Variants in MTFR2 observed in about 807,000 individuals in gnomAD.
MTFR2 encodes DUF729 domain-containing protein 1.
A neutral mutation model predicts 41.2 loss-of-function variants in MTFR2; 44 were observed. The observed-to-expected ratio is 1.07, with a 90% CI of 0.84 to 1.37. The LOEUF (loss-of-function observed/expected upper bound fraction) is 1.37. Ranked by LOEUF, MTFR2 falls within the 40% of genes most tolerant of loss-of-function variation. The pLI is 0.00. For synonymous variants in MTFR2, 141 were observed against 154.6 expected, an observed-to-expected ratio of 0.91 and a Z score of 0.65; for missense variants, 452 against 459.5, an observed-to-expected ratio of 0.98 and a Z score of 0.15.
intron 3 of MTFR2, 66 bp from the exon 4 acceptor site, chr6:136,243,039 T>C (rs1206101583): frequency 9.2e-6 from 9 of 982,536 alleles, no homozygotes; most frequent in Admixed American, 2.6e-5. Context: ...ACATGCCCCA[T>C]GGTATTAAAT....
Position 136,242,985 on chromosome 6 carries a change from A to C in MTFR2, c.169-12T>G. 1 of 1,582,312 alleles carries C rather than the reference A, an allele frequency of 6.3e-7. No homozygotes were observed. Among genetic ancestry groups the C allele is most frequent in the Non-Finnish European group, 8.6e-7 (1 of 1,168,302 alleles). Reference sequence around the variant, plus strand: ...AAGAGCGGGATCAACTAAAGTAAAAAAAGAAAAAAATAGTCAGAGCTCTGC... The same window carrying C: ...AAGAGCGGGATCAACTAAAGTAAAACAAGAAAAAAATAGTCAGAGCTCTGC... On this transcript the variant is annotated splice_polypyrimidine_tract_variant and intron_variant, in intron 3 of 7. Coordinates refer to ENST00000420702, the MANE Select transcript of MTFR2 (RefSeq NM_001099286.3).
At chr6:136,248,513 A>T (rs773252525) in intron 2 of MTFR2, among the ~76,000 whole-genome samples, 6 of 152,144 alleles carry the variant, frequency 3.9e-5, no homozygotes, top group Admixed American at 6.5e-5. Context: ...TGACTTTGCT[A>T]CTCATTTGCC....
chr6:136,240,597 G>A (rs1780028810), intron 5 of MTFR2, among the ~76,000 whole-genome samples: 1 of 152,142 alleles, frequency 6.6e-6, no homozygotes, highest in Non-Finnish European at 1.5e-5. Context: ...TTGTGTGTAT[G>A]TGTGTGCATA....
Position 136,241,463 on chromosome 6 carries a change from C to T in MTFR2, c.495G>A (p.Leu165=). The T allele has an allele frequency of 6.2e-7, 1 of 1,613,006 alleles. No individual in the cohort carries two copies. Among genetic ancestry groups the T allele is most frequent in the Non-Finnish European group, 8.5e-7 (1 of 1,179,452 alleles). Reference sequence around the variant, plus strand: ...ACTTACTAGAATTTGTACTATTTTTCAGTTCCTGCATTTCCACAATTGCTG... The same window carrying T: ...ACTTACTAGAATTTGTACTATTTTTTAGTTCCTGCATTTCCACAATTGCTG... The part of the protein sequence containing the change: ...QIAAIVEMQE[L]KNSTNSSSFG... The change falls in exon 5 of 8, where the codon CTG becomes CTA. Residue 165 remains leucine (L), a synonymous_variant. Coordinates refer to ENST00000420702, the MANE Select transcript of MTFR2 (RefSeq NM_001099286.3).
Position 136,249,139 on chromosome 6 carries a change from T to C in MTFR2, c.-40A>G, listed in dbSNP as rs549953544. 2 of 1,529,002 alleles carry C rather than the reference T, an allele frequency of 1.3e-6. No individual in the cohort carries two copies. Among genetic ancestry groups the C allele is most frequent in the Admixed American group, 2.4e-5 (1 of 41,900 alleles). The allele number at this position is 1,529,002 out of a possible 1,614,324, so 94.7% of individuals were successfully genotyped here. ...CAGAAGCCAATTCAAAGGAACATTA[T>C]CAGTTTCTTGGTGCCTTTGGGGAAA... On this transcript the variant is annotated 5_prime_UTR_variant, in exon 2 of 8. Transcript: ENST00000420702.
intron 2 of MTFR2, chr6:136,248,706 A>G: frequency 3.6e-6 from 1 of 279,568 alleles, no homozygotes; most frequent in Middle Eastern, 1.1e-3. Context: ...GGATTTATTG[A>G]GCTTTAAATA....
chr6:136,241,720 C>A, intron 4 of MTFR2, 44 bp from the exon 5 acceptor site: 2 of 1,435,940 alleles, frequency 1.4e-6, no homozygotes, highest in Non-Finnish European at 1.9e-6. Flanking sequence ...GATATATTTC[C>A]AATCAAAAGA....
chr6:136,239,759 G>T lies in MTFR2; in HGVS notation c.576C>A (p.Ala192=). ...GCTGATCTGGGTCCACACTCAGATG[G>T]GCAGCCCGCGATGATGACAGCTGAC... ...SLGQLSSSRA[A]HLSVDPDQLP... is the part of the protein sequence containing the mutation. Residue 192 remains alanine (A), a synonymous_variant, in exon 6 of 8, where the codon GCC becomes GCA. Coordinates refer to ENST00000420702, the MANE Select transcript of MTFR2 (RefSeq NM_001099286.3). The T allele has an allele frequency of 1.2e-6, 2 of 1,614,080 alleles. No individual in the cohort carries two copies. The highest frequency in any genetic ancestry group is 1.7e-6 in the Non-Finnish European group (2 of 1,180,020).
Position 136,231,186 on chromosome 6 carries a change from T to C in MTFR2, c.*89A>G. The C allele has an allele frequency of 1.2e-6, 1 of 823,536 alleles. No individual in the cohort carries two copies. Among genetic ancestry groups the C allele is most frequent in the Non-Finnish European group, 1.9e-6 (1 of 513,578 alleles). 51.0% of individuals were successfully genotyped at this position (823,536 alleles called of 1,614,324 possible). A position where few individuals can be genotyped will look rare whatever the true frequency, so the allele number is the denominator to read the frequency against. ...AAGAGTCTTTAAATACATCTACTTT[T>C]AGCCTTTAACAGTCCAAATCAGTTT... On this transcript the variant is annotated 3_prime_UTR_variant, in exon 8 of 8. Coordinates refer to ENST00000420702, the MANE Select transcript of MTFR2 (RefSeq NM_001099286.3).
rs180683553 is a variant in MTFR2 at position 136,240,021 on chromosome 6, G to A, written c.515-201C>T. 1.2e-4 allele frequency among the ~76,000 whole-genome samples: 18 copies of A among 152,146 alleles called. 1 individual carries two copies. The highest frequency in any genetic ancestry group is 1.1e-3 in the Admixed American group (17 of 15,282). On this transcript the variant is annotated intron_variant, in intron 5 of 7. Transcript: ENST00000420702. ...GTGAATTCATTTTTAATCCAGTTAG[G>A]AATTTTCAGTGTAGGTCCAAGAGCA...
intron 3 of MTFR2, among the ~76,000 whole-genome samples, chr6:136,244,328 T>C (rs188870553): frequency 1.3e-5 from 2 of 152,334 alleles, no homozygotes; most frequent in African/African-American, 4.8e-5. Context: ...TTTTACTGCA[T>C]TGTTACCATA....
At chr6:136,234,199 T>A (rs1033549119) in intron 6 of MTFR2, among the ~76,000 whole-genome samples, 1 of 150,508 alleles carries the variant, frequency 6.6e-6, no homozygotes, top group African/African-American at 2.4e-5. Flanking sequence ...AGGCAACTAC[T>A]TGGGAGGTTA....
intron 6 of MTFR2, among the ~76,000 whole-genome samples, chr6:136,235,965 AC>A (rs1014506206): frequency 2.0e-5 from 3 of 151,942 alleles, no homozygotes; most frequent in Non-Finnish European, 4.4e-5. Flanking sequence ...GGAGGTGGGG[AC>A]CATAGGCTGT....
chr6:136,249,251 C>A, intron 1 of MTFR2, 98 bp from the exon 2 acceptor site: 1 of 530,596 alleles, frequency 1.9e-6, no homozygotes, highest in South Asian at 2.9e-5. Flanking sequence ...ACACAGTCAA[C>A]TAATTTCTCC....
intron 7 of MTFR2, 147 bp downstream of exon 7, chr6:136,233,178 A>G (rs1779811179): frequency 3.5e-6 from 2 of 578,512 alleles, no homozygotes; most frequent in Non-Finnish European, 5.6e-6. Context: ...TAACAACAAA[A>G]AAACCCCAGA....
chr6:136,237,526 T>A lies in MTFR2; in HGVS notation c.869+1940A>T, dbSNP rs149602803. 3.6e-3 allele frequency among the ~76,000 whole-genome samples: 541 copies of A among 152,222 alleles called. 7 individuals carry two copies. The highest frequency in any genetic ancestry group is 0.012 in the East Asian group (60 of 5,176). ...AGAAACAGCTCTTAAAAATTAAAAATGTGGGCCAGGTGTGGTGGCTCACAC... is the reference window on the plus strand; with the variant it reads ...AGAAACAGCTCTTAAAAATTAAAAAAGTGGGCCAGGTGTGGTGGCTCACAC... On this transcript the variant is annotated intron_variant, in intron 6 of 7. Transcript: ENST00000420702.
intron 2 of MTFR2, among the ~76,000 whole-genome samples, chr6:136,245,998 T>C (rs1780202713): frequency 6.6e-6 from 1 of 152,190 alleles, no homozygotes; most frequent in Non-Finnish European, 1.5e-5. Flanking sequence ...ATCCCAGACC[T>C]ATTACTAGTA....
chr6:136,247,521 T>G, intron 2 of MTFR2: 1 of 456,274 alleles, frequency 2.2e-6, no homozygotes, highest in Non-Finnish European at 4.4e-6. Context: ...CCTGTCTGTT[T>G]CTTCCAGAGT....
chr6:136,249,928 C>T (rs1780320611), intron 1 of MTFR2, 48 bp downstream of exon 1: 1 of 152,150 alleles, frequency 6.6e-6, no homozygotes, highest in African/African-American at 2.4e-5. Flanking sequence ...TCGCTTTGGT[C>T]ACAAGCTTCC....
Sources: gnomAD v4.1 joint callset for allele counts (sites outside exome capture counted in the v4.1 genomes callset) on GRCh38, gnomAD v4.1.1 for gene constraint, MANE v1.5 for transcripts, NCBI Gene and HGNC (gene_info 2026-07-23, HGNC 2026-07-21) for gene names.